The following PLCB4 variants were observed in gnomAD, a reference collection of about 807,000 sequenced individuals.
PLCB4 encodes the protein phospholipase C beta 4, also known as 1-phosphatidylinositol 4,5-bisphosphate phosphodiesterase beta-4.
Under a neutral mutation model 178.8 loss-of-function variants are expected in PLCB4, and 77 were observed. The ratio of observed to expected loss-of-function variants is 0.43; its 90% CI spans 0.36 to 0.52. The LOEUF is 0.52. Ranked by LOEUF, PLCB4 falls within the 20% of genes least tolerant of loss-of-function variation. The probability of loss-of-function intolerance (pLI) is 0.00; values close to 1 mark genes in which losing one functional copy is unlikely to be tolerated. For missense variants in PLCB4, 1,024 were observed against 1,453.4 expected, an observed-to-expected ratio of 0.70 and a Z score of 4.80; for synonymous variants, 496 against 490.8, an observed-to-expected ratio of 1.01 and a Z score of -0.14.
At chr20:9,123,931 T>C (rs1312984821) in intron 2 of PLCB4, among the ~76,000 whole-genome samples, 2 of 152,056 alleles carry the variant, frequency 1.3e-5, no homozygotes, top group African/African-American at 4.8e-5. Flanking sequence ...GATTATTCAG[T>C]GTTGTAGCAC....
At chr20:9,083,257 T>A (rs1051437125) in intron 1 of PLCB4, among the ~76,000 whole-genome samples, 1 of 151,982 alleles carries the variant, frequency 6.6e-6, no homozygotes, top group African/African-American at 2.4e-5. Context: ...TGCAGAAGGG[T>A]TATGGTGCAG....
intron 2 of PLCB4, among the ~76,000 whole-genome samples, chr20:9,180,482 T>C (rs1385496296): frequency 1.3e-5 from 2 of 152,178 alleles, no homozygotes; most frequent in African/African-American, 4.8e-5. Flanking sequence ...TATGGAAGGA[T>C]GCATGCTGAA....
chr20:9,106,299 G>A (rs562409420), intron 2 of PLCB4, among the ~76,000 whole-genome samples: 5 of 151,210 alleles, frequency 3.3e-5, no homozygotes, highest in Non-Finnish European at 5.9e-5. Flanking sequence ...GGCAAAAACC[G>A]CAATTACTTT....
chr20:9,118,767 A>G (rs2091865366), intron 2 of PLCB4, among the ~76,000 whole-genome samples: 1 of 152,192 alleles, frequency 6.6e-6, no homozygotes, highest in South Asian at 2.1e-4. Flanking sequence ...AGTAATGAAA[A>G]TCCAAGTCAA....
intron 30 of PLCB4, 120 bp downstream of exon 30, chr20:9,437,272 A>G (rs545368853): frequency 1.6e-5 from 14 of 881,964 alleles, no homozygotes; most frequent in African/African-American, 3.4e-5. Flanking sequence ...AACCTTTTAC[A>G]TAGTGATGTT....
chr20:9,396,509 A>G (rs2148442626), intron 19 of PLCB4, among the ~76,000 whole-genome samples: 1 of 152,366 alleles, frequency 6.6e-6, no homozygotes, highest in East Asian at 1.9e-4. Flanking sequence ...TTGATCACAT[A>G]GCAACAATCA....
chr20:9,204,675 T>G (rs144915483), intron 2 of PLCB4, among the ~76,000 whole-genome samples: 206 of 152,222 alleles, frequency 1.4e-3, no homozygotes, highest in Middle Eastern at 6.8e-3. Context: ...TCTAAGACTT[T>G]CATTATGAAC....
intron 35 of PLCB4, among the ~76,000 whole-genome samples, chr20:9,462,197 A>G (rs867203193): frequency 6.6e-5 from 10 of 152,214 alleles, no homozygotes; most frequent in African/African-American, 2.4e-4. Context: ...GAAAACTAAC[A>G]AACAGAAAGG....
chr20:9,427,680 G>A (rs1186550598), intron 28 of PLCB4, among the ~76,000 whole-genome samples: 2 of 152,216 alleles, frequency 1.3e-5, no homozygotes, highest in Non-Finnish European at 2.9e-5. Flanking sequence ...ACAGGAAGCA[G>A]TTCCAGGGCT....
chr20:9,358,131 C>T (rs769552673), intron 7 of PLCB4, among the ~76,000 whole-genome samples: 5 of 152,224 alleles, frequency 3.3e-5, no homozygotes, highest in African/African-American at 4.8e-5. Context: ...AAAAGAATCA[C>T]AGGGAAGGCT....
At chr20:9,195,868 CT>C (rs1258411730) in intron 2 of PLCB4, among the ~76,000 whole-genome samples, 2 of 152,130 alleles carry the variant, frequency 1.3e-5, no homozygotes, top group African/African-American at 4.8e-5. Flanking sequence ...AGACAACTGG[CT>C]TCAGGATTCA....
chr20:9,321,927 C>A (rs115517580), intron 4 of PLCB4, among the ~76,000 whole-genome samples: 95 of 150,026 alleles, frequency 6.3e-4, no homozygotes, highest in African/African-American at 2.4e-3. Context: ...AGCCACTATG[C>A]CTGGCCTTTC....
chr20:9,375,188 T>C (rs1321101498), intron 12 of PLCB4, among the ~76,000 whole-genome samples: 1 of 152,130 alleles, frequency 6.6e-6, no homozygotes, highest in African/African-American at 2.4e-5. Flanking sequence ...TTGTCAAACA[T>C]AGAGAACATT....
At chr20:9,303,374 C>G (rs1241548662) in intron 3 of PLCB4, among the ~76,000 whole-genome samples, 3 of 152,204 alleles carry the variant, frequency 2.0e-5, no homozygotes, top group Non-Finnish European at 4.4e-5. Flanking sequence ...AACCACTGTT[C>G]TGCTCTCTGC....
At chr20:9,394,307 A>G (rs1326200760) in intron 18 of PLCB4, among the ~76,000 whole-genome samples, 5 of 152,206 alleles carry the variant, frequency 3.3e-5, no homozygotes, top group Admixed American at 2.6e-4. Flanking sequence ...ATTTTATTAC[A>G]AAAGCAATAA....
chr20:9,282,576 C>CA (rs1310191585), intron 3 of PLCB4, among the ~76,000 whole-genome samples: 2 of 152,024 alleles, frequency 1.3e-5, no homozygotes, highest in Non-Finnish European at 2.9e-5. Context: ...TTATATAACA[C>CA]AATCACAGTG....
intron 3 of PLCB4, among the ~76,000 whole-genome samples, chr20:9,227,061 G>A (rs2093874933): frequency 6.6e-6 from 1 of 151,834 alleles, no homozygotes; most frequent in African/African-American, 2.4e-5. Flanking sequence ...CCTAATGACT[G>A]ATGCTATTGT....
chr20:9,135,662 T>A (rs2092367777), intron 2 of PLCB4, among the ~76,000 whole-genome samples: 1 of 152,152 alleles, frequency 6.6e-6, no homozygotes. Flanking sequence ...AAATGATTGG[T>A]TATATTTATG....
At chr20:9,106,146 G>C (rs1600442997) in intron 2 of PLCB4, among the ~76,000 whole-genome samples, 1 of 151,910 alleles carries the variant, frequency 6.6e-6, no homozygotes, top group Non-Finnish European at 1.5e-5. Flanking sequence ...TAAAGTTGTG[G>C]AGTTAAAATA....
Sources: allele counts gnomAD v4.1 joint callset (sites outside exome capture counted in the v4.1 genomes callset), GRCh38; gene constraint gnomAD v4.1.1; transcripts MANE v1.5; gene names NCBI Gene and HGNC (gene_info 2026-07-23, HGNC 2026-07-21).